DNAJA1: variants seen among roughly 807,000 people sequenced by gnomAD.
DNAJA1 encodes the protein dnaJ homolog subfamily A member 1.
In DNAJA1, 26 loss-of-function variants were observed where a neutral mutation model predicts 47.6. That is an observed-to-expected ratio of 0.55 (90% CI 0.40 to 0.76). The LOEUF (loss-of-function observed/expected upper bound fraction) is 0.76, where lower values mean the gene tolerates loss of function less well. Ranked by LOEUF, DNAJA1 falls within the 30% of genes least tolerant of loss-of-function variation. DNAJA1 has a pLI of 0.00. For missense variants in DNAJA1, 315 were observed against 485.0 expected (o/e 0.65, Z 3.29); for synonymous variants, 165 against 158.4 (o/e 1.04, Z -0.31).
chr9:33,029,661 C>G (rs1838930010), intron 3 of DNAJA1, among the ~76,000 whole-genome samples: 1 of 152,204 alleles, frequency 6.6e-6, no homozygotes, highest in Non-Finnish European at 1.5e-5. Context: ...TGCCCTTAAG[C>G]AAATATTTAA....
At chr9:33,034,819 A>G (rs1181696465) in intron 6 of DNAJA1, among the ~76,000 whole-genome samples, 1 of 152,192 alleles carries the variant, frequency 6.6e-6, no homozygotes, top group African/African-American at 2.4e-5. Flanking sequence ...CACAAGAAAG[A>G]TGGATGATTA....
intron 7 of DNAJA1, 49 bp from the exon 8 acceptor site, chr9:33,036,966 A>T: frequency 1.3e-6 from 2 of 1,526,380 alleles, no homozygotes; most frequent in Non-Finnish European, 1.8e-6. Flanking sequence ...TCCCTGCCTC[A>T]TAAAAATGTG....
At chr9:33,036,941 C>T (rs553061092) in intron 7 of DNAJA1, 74 bp from the exon 8 acceptor site, 3 of 1,340,630 alleles carry the variant, frequency 2.2e-6, no homozygotes, top group African/African-American at 2.9e-5. Flanking sequence ...TAGGACAGTG[C>T]TCTGTTCTTT....
At position 33,025,294 on chromosome 9, in the gene DNAJA1, G is replaced by A. The variant is rs1055899596; in HGVS notation, c.-100G>A. 1 of 152,446 alleles carries A rather than the reference G, an allele frequency of 6.6e-6. No homozygotes were observed. The highest frequency in any genetic ancestry group is 2.4e-5 in the African/African-American group (1 of 41,436). The allele number at this position is 152,446 out of a possible 1,614,324, so 9.4% of individuals were successfully genotyped here. A position where few individuals can be genotyped will look rare whatever the true frequency, so the allele number is the denominator to read the frequency against. On this transcript the variant is annotated 5_prime_UTR_variant, in exon 1 of 9. Transcript: ENST00000330899. The stretch of plus-strand genomic sequence containing the variant: ...CCGGGCGGAACTTTCCAGAACGCTC[G>A]GTGAGAGGCGGAGGAGCGGTAACTA...
At position 33,027,007 on chromosome 9, in the gene DNAJA1, C is replaced by T. The variant is rs767403484; in HGVS notation, c.310+17C>T. On this transcript the variant is annotated intron_variant, in intron 3 of 8. Transcript: ENST00000330899. ...AAAGGAGAGGTAAGAAGAATCTAGT[C>T]TTTGTGCAGCTAACTAAAGTTAGCT... 9.9e-6 allele frequency: 16 copies of T among 1,613,608 alleles called. No individual in the cohort carries two copies. In the Admixed American group the frequency reaches 2.3e-4, roughly 24 times the overall value.
At chr9:33,036,983 C>T (rs16918959) in intron 7 of DNAJA1, 32 bp from the exon 8 acceptor site, 12 of 1,580,114 alleles carry the variant, frequency 7.6e-6, no homozygotes, top group Non-Finnish European at 1.0e-5. Flanking sequence ...TGTGACCATA[C>T]TTAAGGAAGA....
intron 3 of DNAJA1, 62 bp from the exon 4 acceptor site, chr9:33,029,823 C>T (rs982391394): frequency 1.4e-6 from 2 of 1,397,140 alleles, no homozygotes; most frequent in Admixed American, 4.0e-5. Context: ...TTTATAGTGC[C>T]TTTAGCACAA....
chr9:33,029,899 C>T lies in DNAJA1; in HGVS notation c.325C>T (p.His109Tyr). The T allele has an allele frequency of 6.2e-7, 1 of 1,607,512 alleles. No homozygotes were observed. The highest frequency in any genetic ancestry group is 8.5e-7 in the Non-Finnish European group (1 of 1,178,274). ...TTTTGTTTTAGGTAAAAATGTTGTA[C>T]ATCAGCTCTCAGTAACCCTAGAAGA... The part of the protein sequence containing the change: ...QRERRGKNVV[H>Y]QLSVTLEDLY... The change falls in exon 4 of 9, where the codon CAT becomes TAT. Residue 109 changes from histidine (H) to tyrosine (Y), a missense_variant. Physicochemically the swap from His to Tyr is moderately conservative, Grantham distance 83 (BLOSUM62 2). Around this residue, in one of 4 missense-constraint regions of DNAJA1, gnomAD observed 100 missense variants for 163.0 expected, o/e 0.61. Transcript: ENST00000330899.
At chr9:33,038,441 G>A (rs1400153537) in intron 8 of DNAJA1, among the ~76,000 whole-genome samples, 1 of 152,218 alleles carries the variant, frequency 6.6e-6, no homozygotes, top group African/African-American at 2.4e-5. Context: ...AACAATGGTT[G>A]TTAAAGTGCA....
chr9:33,035,231 T>TA (rs1839016087), intron 6 of DNAJA1, among the ~76,000 whole-genome samples: 1 of 151,744 alleles, frequency 6.6e-6, no homozygotes, highest in Non-Finnish European at 1.5e-5. Context: ...TGTTAAAAAT[T>TA]AAAAAATTAG....
intron 8 of DNAJA1, among the ~76,000 whole-genome samples, chr9:33,038,044 A>T (rs1369951130): frequency 1.3e-5 from 2 of 148,378 alleles, no homozygotes; most frequent in Non-Finnish European, 3.0e-5. Context: ...TTGTTCTGTC[A>T]CCCAAGGTGG....
chr9:33,029,906 T>TCTC lies in DNAJA1; in HGVS notation c.333_335dup (p.Ser112dup). ...TTAGGTAAAAATGTTGTACATCAGC[T>TCTC]CTCAGTAACCCTAGAAGACTTATAT... On this transcript the variant is annotated inframe_insertion, in exon 4 of 9. Transcript: ENST00000330899. The TCTC allele has an allele frequency of 6.2e-7, 1 of 1,609,016 alleles. No individual in the cohort carries two copies. Among genetic ancestry groups the TCTC allele is most frequent in the Non-Finnish European group, 8.5e-7 (1 of 1,178,720 alleles).
intron 1 of DNAJA1, among the ~76,000 whole-genome samples, chr9:33,026,160 C>T (rs901791100): frequency 6.6e-6 from 1 of 152,204 alleles, no homozygotes; most frequent in Non-Finnish European, 1.5e-5. Flanking sequence ...TTGGTTACAA[C>T]TGTCACCGCC....
intron 5 of DNAJA1, among the ~76,000 whole-genome samples, chr9:33,033,682 C>G (rs560402862): frequency 6.6e-6 from 1 of 152,222 alleles, no homozygotes; most frequent in South Asian, 2.1e-4. Flanking sequence ...AGAGCAAGAT[C>G]CTATCTCAAG....
chr9:33,038,274 C>G (rs745676946), intron 8 of DNAJA1, among the ~76,000 whole-genome samples: 2 of 152,086 alleles, frequency 1.3e-5, no homozygotes, highest in Non-Finnish European at 1.5e-5. Flanking sequence ...GATTTGTAAT[C>G]CCAATTGTAT....
At chr9:33,035,164 G>A (rs1839015281) in intron 6 of DNAJA1, among the ~76,000 whole-genome samples, 1 of 151,754 alleles carries the variant, frequency 6.6e-6, no homozygotes, top group Non-Finnish European at 1.5e-5. Context: ...TTAGGAGGCC[G>A]AGGTGGATGG....
At chr9:33,028,981 T>C (rs990265574) in intron 3 of DNAJA1, among the ~76,000 whole-genome samples, 1 of 152,244 alleles carries the variant, frequency 6.6e-6, no homozygotes, top group African/African-American at 2.4e-5. Flanking sequence ...AATAAGTCCT[T>C]GTGGAAGGAC....
intron 1 of DNAJA1, among the ~76,000 whole-genome samples, chr9:33,025,981 T>C (rs1196735632): frequency 1.3e-5 from 2 of 152,120 alleles, no homozygotes; most frequent in Admixed American, 6.5e-5. Context: ...CTGTAAGCCG[T>C]GGGCGGTGGA....
chr9:33,027,095 A>T, intron 3 of DNAJA1, 105 bp downstream of exon 3: 1 of 1,388,704 alleles, frequency 7.2e-7, no homozygotes, highest in Non-Finnish European at 9.9e-7. Context: ...TGTTGGTATA[A>T]TGTTGCAAAC....
Sources: gnomAD v4.1 joint callset for allele counts (sites outside exome capture counted in the v4.1 genomes callset) on GRCh38, gnomAD v4.1.1 for gene constraint, gnomAD v4.1.1 regional missense constraint, MANE v1.5 for transcripts, NCBI Gene and HGNC (gene_info 2026-07-23, HGNC 2026-07-21) for gene names.